Variants in DNAJC1 observed in about 807,000 individuals in gnomAD.
The protein encoded by DNAJC1 is dnaJ homolog subfamily C member 1.
Under a neutral mutation model 76.6 loss-of-function variants are expected in DNAJC1, and 58 were observed. The observed-to-expected ratio is 0.76, with a 90% CI of 0.61 to 0.94. The LOEUF (loss-of-function observed/expected upper bound fraction) is 0.94. Ranked by LOEUF, DNAJC1 falls within the 40% of genes least tolerant of loss-of-function variation. The pLI is 0.00. For synonymous variants in DNAJC1, 258 were observed against 267.9 expected, an observed-to-expected ratio of 0.96 and a Z score of 0.36; for missense variants, 689 against 677.3, an observed-to-expected ratio of 1.02 and a Z score of -0.19.
chr10:21,927,827 TA>T (rs2131778685), intron 3 of DNAJC1, among the ~76,000 whole-genome samples: 1 of 152,292 alleles, frequency 6.6e-6, no homozygotes, highest in South Asian at 2.1e-4. Flanking sequence ...AATCTCCTCT[TA>T]AGTCACTGGC....
rs956390795 is a variant in DNAJC1, at chr10:21,965,296, A to C, written c.223-36155T>G. Among the ~76,000 whole-genome samples the C allele has an allele frequency of 1.3e-5, 2 of 152,286 alleles. 1 individual carries two copies. The highest frequency in any genetic ancestry group is 4.1e-4 in the South Asian group (2 of 4,828). On this transcript the variant is annotated intron_variant, in intron 1 of 11. Coordinates refer to ENST00000376980, the MANE Select transcript of DNAJC1 (RefSeq NM_022365.4). Reference sequence around the variant, plus strand: ...GTATTTTATAAAACTTCTTACTTTGAAATAATTTTAGACTTACAGAAAAAT... The same window carrying C: ...GTATTTTATAAAACTTCTTACTTTGCAATAATTTTAGACTTACAGAAAAAT...
At chr10:21,975,943 T>C (rs892785104) in intron 1 of DNAJC1, among the ~76,000 whole-genome samples, 27 of 152,316 alleles carry the variant, frequency 1.8e-4, no homozygotes, top group African/African-American at 5.3e-4. Context: ...TCAAGTTTCT[T>C]CTAGATAAAT....
Position 21,885,562 on chromosome 10 carries a change from T to C in DNAJC1, c.821-3123A>G, listed in dbSNP as rs181250046. Among the ~76,000 whole-genome samples, 29 of 152,314 alleles carry C rather than the reference T, an allele frequency of 1.9e-4. No homozygotes were observed. In the East Asian group the frequency reaches 3.7e-3, roughly 19 times the overall value. ...ATTCTTCTCCTTGCCACATGGCACA[T>C]ACTCTAAAATTGATCACATAATTGA... On this transcript the variant is annotated intron_variant, in intron 7 of 11. Transcript: ENST00000376980.
chr10:21,956,934 T>C (rs567637215), intron 1 of DNAJC1, among the ~76,000 whole-genome samples: 1 of 150,522 alleles, frequency 6.6e-6, no homozygotes, highest in South Asian at 2.1e-4. Context: ...TTTTGCTCTG[T>C]CGCCCAGGCT....
intron 6 of DNAJC1, among the ~76,000 whole-genome samples, chr10:21,908,087 A>C (rs1836780546): frequency 8.8e-6 from 1 of 113,440 alleles, no homozygotes; most frequent in Non-Finnish European, 1.7e-5. Context: ...TATATATTAT[A>C]TATAAAATAT....
At chr10:21,805,698 G>T (rs1834875045) in intron 9 of DNAJC1, among the ~76,000 whole-genome samples, 1 of 152,030 alleles carries the variant, frequency 6.6e-6, no homozygotes, top group South Asian at 2.1e-4. Flanking sequence ...ACAGTTAAAG[G>T]GGTCACTATA....
chr10:21,882,922 T>C (rs1836305537), intron 7 of DNAJC1, among the ~76,000 whole-genome samples: 1 of 152,118 alleles, frequency 6.6e-6, no homozygotes, highest in Non-Finnish European at 1.5e-5. Context: ...AGAGTAGTTA[T>C]GAATCGATGG....
intron 8 of DNAJC1, among the ~76,000 whole-genome samples, chr10:21,865,153 C>A (rs138031305): frequency 2.3e-4 from 35 of 152,224 alleles, no homozygotes; most frequent in Admixed American, 5.9e-4. Flanking sequence ...AGAAAATAGA[C>A]TGGCAGTTTC....
intron 8 of DNAJC1, among the ~76,000 whole-genome samples, chr10:21,847,150 ATTTTAC>A (rs957985989): frequency 6.6e-6 from 1 of 151,964 alleles, no homozygotes; most frequent in Non-Finnish European, 1.5e-5. Context: ...TCTATGCATT[ATTTTAC>A]TTTTACATTC....
intron 1 of DNAJC1, among the ~76,000 whole-genome samples, chr10:21,951,315 T>C (rs902197827): frequency 4.1e-5 from 6 of 148,000 alleles, no homozygotes; most frequent in Middle Eastern, 3.3e-3. Context: ...GCGAGATCCA[T>C]CTCAAAAAAA....
At chr10:21,831,401 G>T (rs1835354806) in intron 8 of DNAJC1, among the ~76,000 whole-genome samples, 2 of 152,076 alleles carry the variant, frequency 1.3e-5, no homozygotes, top group African/African-American at 4.8e-5. Flanking sequence ...CTAATACTCT[G>T]GTTTTGAGCT....
chr10:21,878,110 C>G (rs1836217018), intron 8 of DNAJC1, among the ~76,000 whole-genome samples: 1 of 152,158 alleles, frequency 6.6e-6, no homozygotes, highest in Admixed American at 6.5e-5. Context: ...AATGTCATGA[C>G]TTTCCTCTGG....
At chr10:21,770,095 A>AT (rs11452857) in intron 9 of DNAJC1, among the ~76,000 whole-genome samples, 12,804 of 151,982 alleles carry the variant, frequency 0.084, 1,770 homozygotes, top group African/African-American at 0.29. Context: ...CCATTTTTGG[A>AT]TTTTTTCTCT....
rs552702929 is a variant in DNAJC1, at chr10:21,840,288, G to A, written c.979-34189C>T. Among the ~76,000 whole-genome samples, 194 of 152,248 alleles carry A rather than the reference G, an allele frequency of 1.3e-3. No homozygotes were observed. The Middle Eastern group carries it at 0.014, about 11-fold the overall frequency. On this transcript the variant is annotated intron_variant, in intron 8 of 11. Coordinates refer to ENST00000376980, the MANE Select transcript of DNAJC1 (RefSeq NM_022365.4). ...AGGAGAAGGAAATAAAGGGTATTCA[G>A]TTAGGAAAAGAGGAAGTCAAATTGT...
chr10:21,888,236 C>T (rs1836399178), intron 7 of DNAJC1, among the ~76,000 whole-genome samples: 1 of 152,106 alleles, frequency 6.6e-6, no homozygotes, highest in African/African-American at 2.4e-5. Flanking sequence ...CAAAAAATAA[C>T]AGATGATGCC....
intron 8 of DNAJC1, among the ~76,000 whole-genome samples, chr10:21,881,402 C>T (rs1836274110): frequency 6.6e-6 from 1 of 152,142 alleles, no homozygotes; most frequent in African/African-American, 2.4e-5. Context: ...TTCAACCATG[C>T]CTTCCGAACT....
At chr10:21,820,130 T>C (rs1835135169) in intron 8 of DNAJC1, among the ~76,000 whole-genome samples, 1 of 152,202 alleles carries the variant, frequency 6.6e-6, no homozygotes, top group African/African-American at 2.4e-5. Flanking sequence ...CAACCACTAA[T>C]TTACTTTCTG....
chr10:21,985,782 G>C (rs760437705), intron 1 of DNAJC1, among the ~76,000 whole-genome samples: 2 of 152,164 alleles, frequency 1.3e-5, no homozygotes, highest in Non-Finnish European at 2.9e-5. Flanking sequence ...CTAGGCATTT[G>C]GAATTGTTTC....
intron 7 of DNAJC1, among the ~76,000 whole-genome samples, chr10:21,893,569 G>A (rs1836490320): frequency 6.6e-6 from 1 of 151,568 alleles, no homozygotes; most frequent in African/African-American, 2.4e-5. Flanking sequence ...GGAGGTTGCA[G>A]TGAGCCGAGA....
Sources: gnomAD v4.1 joint callset for allele counts (sites outside exome capture counted in the v4.1 genomes callset) on GRCh38, gnomAD v4.1.1 for gene constraint, MANE v1.5 for transcripts, NCBI Gene and HGNC (gene_info 2026-07-23, HGNC 2026-07-21) for gene names.